Variants in INVS observed in about 807,000 individuals in gnomAD.
INVS encodes inversion of embryo turning homolog.
In INVS, 86 loss-of-function variants were observed where a neutral mutation model predicts 108.8. The ratio of observed to expected loss-of-function variants is 0.79; its 90% CI spans 0.66 to 0.95. The LOEUF (loss-of-function observed/expected upper bound fraction) is 0.95, where lower values mean the gene tolerates loss of function less well. INVS is among the 40% of genes least tolerant of loss of function. INVS has a pLI of 0.00. For missense variants in INVS, 1,169 were observed against 1,297.4 expected (o/e 0.90, Z 1.52); for synonymous variants, 455 against 473.5 (o/e 0.96, Z 0.51).
chr9:100,134,106 C>G (rs992625384), intron 3 of INVS, among the ~76,000 whole-genome samples: 4 of 151,978 alleles, frequency 2.6e-5, no homozygotes, highest in Non-Finnish European at 5.9e-5. Flanking sequence ...ACTCTTCCCC[C>G]CAAGTCCCCA....
chr9:100,177,349 G>A (rs533461450), intron 3 of INVS, among the ~76,000 whole-genome samples: 12 of 152,282 alleles, frequency 7.9e-5, no homozygotes, highest in African/African-American at 2.4e-4. Context: ...CCACTCCCAC[G>A]GAGCCCAGCA....
intron 2 of INVS, among the ~76,000 whole-genome samples, chr9:100,117,903 T>A (rs1351309170): frequency 6.6e-6 from 1 of 151,962 alleles, no homozygotes; most frequent in Non-Finnish European, 1.5e-5. Context: ...CAGAAAGCTC[T>A]CAAGCCCTCT....
intron 3 of INVS, among the ~76,000 whole-genome samples, chr9:100,197,791 G>A (rs7853497): frequency 0.19 from 29,370 of 152,122 alleles, 4,520 homozygotes; most frequent in African/African-American, 0.43. Flanking sequence ...TTGAAACAGA[G>A]GTCTTGTAAC....
At chr9:100,148,670 T>C (rs1480841214) in intron 3 of INVS, among the ~76,000 whole-genome samples, 1 of 152,204 alleles carries the variant, frequency 6.6e-6, no homozygotes, top group Admixed American at 6.5e-5. Flanking sequence ...TTTAACACAT[T>C]AAAATGAAAA....
chr9:100,192,441 C>G (rs566204553), intron 3 of INVS, among the ~76,000 whole-genome samples: 27 of 152,224 alleles, frequency 1.8e-4, no homozygotes, highest in African/African-American at 3.6e-4. Context: ...TTTATACATT[C>G]ATGGGATGAT....
intron 3 of INVS, among the ~76,000 whole-genome samples, chr9:100,173,816 C>T (rs1829623714): frequency 6.6e-6 from 1 of 152,168 alleles, no homozygotes; most frequent in African/African-American, 2.4e-5. Context: ...ATATAAACTG[C>T]CAAAATCTCT....
In INVS at chr9:100,301,699, TG is replaced by T. The variant is rs1348779602; in HGVS notation, c.*1030del. On this transcript the variant is annotated 3_prime_UTR_variant, in exon 17 of 17. Transcript: ENST00000262457. Reference sequence around the variant, plus strand: ...TGATATATTTTACTCACAGGTATTTTGGGGGTTGCTTTCATTTTCTTCAGAT... The same window carrying T: ...TGATATATTTTACTCACAGGTATTTTGGGGTTGCTTTCATTTTCTTCAGAT... Among the ~76,000 whole-genome samples the T allele has an allele frequency of 9.9e-5, 15 of 152,210 alleles. No homozygotes were observed. Among genetic ancestry groups the T allele is most frequent in the Admixed American group, 9.8e-4 (15 of 15,288 alleles).
At chr9:100,127,552 G>T (rs953396895) in intron 3 of INVS, among the ~76,000 whole-genome samples, 4 of 152,028 alleles carry the variant, frequency 2.6e-5, no homozygotes, top group Non-Finnish European at 5.9e-5. Context: ...TGAATAAAAA[G>T]CAATTAAAAT....
chr9:100,122,646 C>T (rs1208321340), intron 2 of INVS, among the ~76,000 whole-genome samples: 22 of 130,582 alleles, frequency 1.7e-4, no homozygotes, highest in African/African-American at 5.0e-4. Context: ...TGCAGTGGCA[C>T]GATTTCGGCT....
chr9:100,292,588 C>T lies in INVS; in HGVS notation c.2331C>T (p.Ser777=). The T allele has an allele frequency of 6.2e-7, 1 of 1,614,196 alleles. No individual in the cohort carries two copies. Among genetic ancestry groups the T allele is most frequent in the South Asian group, 1.1e-5 (1 of 91,080 alleles). ...CGCACGATAGCCACTGGAAGCCCAG[C>T]AGGCGGCATGACACAGAACCCAAGG... ...LPPHDSHWKP[S]RRHDTEPKAK... The change falls in exon 14 of 17, where the codon AGC becomes AGT. Residue 777 remains serine (S), a synonymous_variant. Coordinates refer to ENST00000262457, the MANE Select transcript of INVS (RefSeq NM_014425.5).
chr9:100,241,223 A>T (rs140770724), intron 6 of INVS, among the ~76,000 whole-genome samples: 116 of 152,160 alleles, frequency 7.6e-4, no homozygotes, highest in African/African-American at 2.5e-3. Flanking sequence ...TTCATCTTAC[A>T]TCCCTTTTTA....
At chr9:100,265,787 ACCAAACAGG>A (rs1564183284) in intron 11 of INVS, among the ~76,000 whole-genome samples, 1 of 152,192 alleles carries the variant, frequency 6.6e-6, no homozygotes, top group Non-Finnish European at 1.5e-5. Flanking sequence ...AATAAAAAGG[ACCAAACAGG>A]CCAGGTGCGG....
Position 100,242,587 on chromosome 9 carries a change from C to G in INVS, c.814C>G (p.His272Asp). Residue 272 changes from histidine (H) to aspartate (D), a missense_variant, in exon 7 of 17, where the codon CAT becomes GAT. This residue lies in a region of INVS where 365 missense variants were observed against 397.5 expected (regional missense o/e 0.92). Coordinates refer to ENST00000262457, the MANE Select transcript of INVS (RefSeq NM_014425.5). The stretch of plus-strand genomic sequence containing the variant: ...TTTCTCAGGCCATGCACAGATTGTC[C>G]ATCTCCTTTTAGAAAGAAATAAGTC... ...AALLGHAQIV[H>D]LLLERNKSGT... is the part of the protein sequence containing the mutation. 6.2e-7 allele frequency: 1 copy of G among 1,601,032 alleles called. No individual in the cohort carries two copies. Among genetic ancestry groups the G allele is most frequent in the Non-Finnish European group, 8.6e-7 (1 of 1,168,442 alleles).
chr9:100,100,604 AAT>A (rs1554712389), intron 1 of INVS, among the ~76,000 whole-genome samples: 2 of 90,782 alleles, frequency 2.2e-5, no homozygotes, highest in African/African-American at 4.5e-5. Context: ...ATGTACATAT[AAT>A]ATATATAATA....
rs186210253 is a variant in INVS, at chr9:100,193,089, C to A, written c.274-32973C>A. Among the ~76,000 whole-genome samples, 37 of 151,980 alleles carry A rather than the reference C, an allele frequency of 2.4e-4. 1 individual carries two copies. The highest frequency in any genetic ancestry group is 8.0e-4 in the African/African-American group (33 of 41,456). On this transcript the variant is annotated intron_variant, in intron 3 of 16. Coordinates refer to ENST00000262457, the MANE Select transcript of INVS (RefSeq NM_014425.5). ...GAACTCCTGAGTTAAGCATTCCTCC[C>A]ACCTCAGCCTCCTGAGTAGCTGGTA...
In INVS at chr9:100,258,748, CA is replaced by C. The variant is rs533908659; in HGVS notation, c.1464+5615del. Among the ~76,000 whole-genome samples, 676 of 152,312 alleles carry C rather than the reference CA, an allele frequency of 4.4e-3. 5 individuals carry two copies. Among genetic ancestry groups the C allele is most frequent in the African/African-American group, 0.016 (650 of 41,554 alleles). ...CAGAACAGCAAATATTGCAGAACGG[CA>C]AATGTTGCCGCCTGATCCTTCCTCT... On this transcript the variant is annotated intron_variant, in intron 10 of 16. Transcript: ENST00000262457.
At chr9:100,258,491 AT>A (rs1832500872) in intron 10 of INVS, among the ~76,000 whole-genome samples, 1 of 152,074 alleles carries the variant, frequency 6.6e-6, no homozygotes, top group Admixed American at 6.6e-5. Context: ...AGGCACTCTG[AT>A]TTTTAGAATT....
intron 3 of INVS, among the ~76,000 whole-genome samples, chr9:100,189,964 G>A (rs1472091852): frequency 2.6e-5 from 4 of 152,152 alleles, no homozygotes; most frequent in African/African-American, 9.6e-5. Flanking sequence ...GTGTTTCTTT[G>A]TTGACTTTCT....
chr9:100,270,285 T>G (rs1832910514), intron 11 of INVS, among the ~76,000 whole-genome samples: 1 of 152,196 alleles, frequency 6.6e-6, no homozygotes, highest in Non-Finnish European at 1.5e-5. Flanking sequence ...TTACCCAATT[T>G]TTTATGTTTC....
Sources: gnomAD v4.1 joint callset for allele counts (sites outside exome capture counted in the v4.1 genomes callset) on GRCh38, gnomAD v4.1.1 for gene constraint, gnomAD v4.1.1 regional missense constraint, MANE v1.5 for transcripts, NCBI Gene and HGNC (gene_info 2026-07-23, HGNC 2026-07-21) for gene names.